The following KLF13 variants were observed in gnomAD, a reference collection of about 807,000 sequenced individuals.
KLF13 encodes Krueppel-like factor 13.
Under a neutral mutation model 16.7 loss-of-function variants are expected in KLF13, and 8 were observed. The observed-to-expected ratio is 0.48, with a 90% CI of 0.28 to 0.87. KLF13 has a LOEUF of 0.87. KLF13 is among the 40% of genes least tolerant of loss of function. The pLI is 0.10. For synonymous variants in KLF13, 245 were observed against 208.4 expected, an observed-to-expected ratio of 1.18 and a Z score of -1.51; for missense variants, 447 against 452.2, an observed-to-expected ratio of 0.99 and a Z score of 0.10.
chr15:31,370,425 C>CCTTTTT lies in KLF13; in HGVS notation c.578-1585_578-1584insCTTTTT, dbSNP rs550965765. Among the ~76,000 whole-genome samples, 425 of 145,176 alleles carry CCTTTTT rather than the reference C, an allele frequency of 2.9e-3. 2 individuals are homozygous for CCTTTTT. The highest frequency in any genetic ancestry group is 9.4e-3 in the African/African-American group (374 of 39,708). ...CAATTCCTAAATGCTGTTGTTTTTG[C>CCTTTTT]TTTTTTTTTTTGAGACAGACCCTTG... On this transcript the variant is annotated intron_variant, in intron 1 of 1. Transcript: ENST00000307145.
chr15:31,418,273 G>C (rs938651934), intron 1 of KLF13, among the ~76,000 whole-genome samples: 1 of 152,086 alleles, frequency 6.6e-6, no homozygotes, highest in African/African-American at 2.4e-5. Flanking sequence ...GGCTGAAAGA[G>C]CGATTATCTA....
upstream of KLF13, among the ~76,000 whole-genome samples, chr15:31,389,374 G>C (rs566126754): frequency 1.3e-5 from 2 of 152,128 alleles, no homozygotes; most frequent in African/African-American, 4.8e-5. Context: ...TTAAATTTTT[G>C]AGGAGTCAAA....
intron 1 of KLF13, among the ~76,000 whole-genome samples, chr15:31,361,708 G>A (rs945938957): frequency 2.0e-5 from 3 of 152,098 alleles, no homozygotes; most frequent in African/African-American, 4.8e-5. Context: ...GGCACCTGGG[G>A]TGCAGAGCTG....
intron 1 of KLF13, among the ~76,000 whole-genome samples, chr15:31,367,485 C>A (rs757096253): frequency 1.3e-5 from 2 of 152,152 alleles, no homozygotes; most frequent in Non-Finnish European, 2.9e-5. Context: ...TGCCTGGCAC[C>A]AACGTCCCAT....
intron 1 of KLF13, among the ~76,000 whole-genome samples, chr15:31,353,727 T>G (rs1301917884): frequency 6.6e-6 from 1 of 151,766 alleles, no homozygotes; most frequent in Non-Finnish European, 1.5e-5. Context: ...GTGGCCAGAG[T>G]TCCAACAGTG....
At chr15:31,428,033 T>C (rs2040419739) in intron 1 of KLF13, among the ~76,000 whole-genome samples, 1 of 152,180 alleles carries the variant, frequency 6.6e-6, no homozygotes, top group South Asian at 2.1e-4. Context: ...TTATCCATTC[T>C]TTTAAAAAAA....
At chr15:31,334,943 CAG>C (rs1449499672) in intron 1 of KLF13, among the ~76,000 whole-genome samples, 5 of 152,192 alleles carry the variant, frequency 3.3e-5, no homozygotes, top group Non-Finnish European at 7.4e-5. Flanking sequence ...GCCAAAATAA[CAG>C]AAACTCGAAC....
At chr15:31,430,268 T>C (rs1000869775) in intron 1 of KLF13, among the ~76,000 whole-genome samples, 4 of 152,142 alleles carry the variant, frequency 2.6e-5, no homozygotes, top group African/African-American at 9.7e-5. Context: ...CATATCTAGA[T>C]ATATAAAGTA....
intron 1 of KLF13, chr15:31,393,556 C>G (rs1231574885): frequency 6.6e-6 from 1 of 152,292 alleles, no homozygotes. Context: ...GTCTAGTACT[C>G]CCTACACGCC....
intron 2 of KLF13, among the ~76,000 whole-genome samples, chr15:31,396,018 T>TTTTC (rs970336131): frequency 2.6e-5 from 4 of 152,114 alleles, no homozygotes; most frequent in African/African-American, 4.8e-5. Flanking sequence ...GTTTTTTTGT[T>TTTTC]TTTCTTTCTT....
intron 1 of KLF13, among the ~76,000 whole-genome samples, chr15:31,364,077 A>G (rs1262469555): frequency 7.1e-6 from 1 of 139,918 alleles, no homozygotes; most frequent in Non-Finnish European, 1.5e-5. Flanking sequence ...GCTGGGCTTC[A>G]CTGGCCAGTG....
chr15:31,350,125 A>T (rs575123021), intron 1 of KLF13, among the ~76,000 whole-genome samples: 1 of 152,232 alleles, frequency 6.6e-6, no homozygotes, highest in Non-Finnish European at 1.5e-5. Flanking sequence ...GGAGAGTAGT[A>T]CAGCATGCGG....
At chr15:31,386,267 G>T (rs143959463) in intron 1 of KLF13, among the ~76,000 whole-genome samples, 2,073 of 152,344 alleles carry the variant, frequency 0.014, 27 homozygotes, top group Non-Finnish European at 0.017. Flanking sequence ...GGAGACCAAG[G>T]CAGGAGGATC....
At chr15:31,361,053 G>T (rs2039375599) in intron 1 of KLF13, among the ~76,000 whole-genome samples, 1 of 152,192 alleles carries the variant, frequency 6.6e-6, no homozygotes, top group Admixed American at 6.5e-5. Context: ...GCCTCCTGCT[G>T]CAGGGGAGCT....
In KLF13 at chr15:31,376,080, G is replaced by A. The variant is rs955920023; in HGVS notation, c.*3781G>A. The A allele has an allele frequency of 6.6e-6, 1 of 152,668 alleles. No homozygotes were observed. Among genetic ancestry groups the A allele is most frequent in the African/African-American group, 2.4e-5 (1 of 41,436 alleles). The allele number at this position is 152,668 out of a possible 1,614,324, so 9.5% of individuals were successfully genotyped here. On this transcript the variant is annotated 3_prime_UTR_variant, in exon 2 of 2. Coordinates refer to ENST00000307145, the MANE Select transcript of KLF13 (RefSeq NM_015995.4). ...GAGAGGGCTGGCCACTCTGCCTCAG[G>A]ACTTGACCTCAAGTGTTCTGTCTCC...
chr15:31,416,666 A>G (rs1395388816), intron 1 of KLF13, among the ~76,000 whole-genome samples: 11 of 152,230 alleles, frequency 7.2e-5, no homozygotes, highest in Admixed American at 7.2e-4. Flanking sequence ...CACCCATATC[A>G]AATATCATAC....
intron 1 of KLF13, among the ~76,000 whole-genome samples, chr15:31,350,837 G>A (rs1024092996): frequency 1.3e-5 from 2 of 152,394 alleles, no homozygotes; most frequent in South Asian, 2.1e-4. Flanking sequence ...GGCCAGGCCA[G>A]AATGCAGGCC....
At chr15:31,423,149 A>ATATACGTATATATACGTATATG (rs2040359713) in intron 1 of KLF13, among the ~76,000 whole-genome samples, 1 of 102,408 alleles carries the variant, frequency 9.8e-6, no homozygotes, top group Non-Finnish European at 1.7e-5. Context: ...GTATACGTAT[A>ATATACGTATATATACGTATATG]TATACGTATA....
At chr15:31,346,008 G>T (rs906814844) in intron 1 of KLF13, among the ~76,000 whole-genome samples, 3 of 152,020 alleles carry the variant, frequency 2.0e-5, no homozygotes, top group Admixed American at 2.0e-4. Flanking sequence ...CCACAAGTGT[G>T]CCCCTCTGTG....
Sources: allele counts gnomAD v4.1 joint callset (sites outside exome capture counted in the v4.1 genomes callset), GRCh38; gene constraint gnomAD v4.1.1; transcripts MANE v1.5; gene names NCBI Gene and HGNC (gene_info 2026-07-23, HGNC 2026-07-21).